NCAM2: variants seen among roughly 807,000 people sequenced by gnomAD.
NCAM2 encodes neural cell adhesion molecule 2, also known as N-CAM-2.
In NCAM2, 30 loss-of-function variants were observed where a neutral mutation model predicts 98.1. The ratio of observed to expected loss-of-function variants is 0.31; its 90% CI spans 0.23 to 0.41. The LOEUF (loss-of-function observed/expected upper bound fraction) is 0.41, where lower values mean the gene tolerates loss of function less well. Among genes scored for constraint, NCAM2 ranks in the 10% least tolerant of loss-of-function variants. The probability of loss-of-function intolerance (pLI) is 1.00; values close to 1 mark genes in which losing one functional copy is unlikely to be tolerated. For synonymous variants in NCAM2, 368 were observed against 342.4 expected, an observed-to-expected ratio of 1.07 and a Z score of -0.83; for missense variants, 867 against 1,005.8, an observed-to-expected ratio of 0.86 and a Z score of 1.87.
intron 1 of NCAM2, among the ~76,000 whole-genome samples, chr21:21,265,467 G>T (rs2072221727): frequency 1.4e-5 from 2 of 138,056 alleles, no homozygotes; most frequent in African/African-American, 2.7e-5. Flanking sequence ...TAATATATGT[G>T]TGTATATATA....
chr21:21,354,279 T>C (rs998126223), intron 8 of NCAM2, among the ~76,000 whole-genome samples: 1 of 152,156 alleles, frequency 6.6e-6, no homozygotes, highest in African/African-American at 2.4e-5. Context: ...ATCTGAAATG[T>C]ACAGCAATAA....
intron 1 of NCAM2, among the ~76,000 whole-genome samples, chr21:21,092,168 T>C (rs2066026896): frequency 6.6e-6 from 1 of 151,986 alleles, no homozygotes; most frequent in African/African-American, 2.4e-5. Context: ...ATGAAATAGG[T>C]GAATGGTTGG....
intron 8 of NCAM2, among the ~76,000 whole-genome samples, chr21:21,346,977 A>G (rs1321731462): frequency 6.6e-6 from 1 of 152,010 alleles, no homozygotes; most frequent in Non-Finnish European, 1.5e-5. Flanking sequence ...ATGGAAAAGC[A>G]AGAGCAAACC....
chr21:21,152,187 A>T (rs1158510118), intron 1 of NCAM2, among the ~76,000 whole-genome samples: 1 of 151,940 alleles, frequency 6.6e-6, no homozygotes, highest in Non-Finnish European at 1.5e-5. Flanking sequence ...GTGATGTCCT[A>T]AAGTTTACTA....
At chr21:21,479,554 A>G (rs140490995) in intron 15 of NCAM2, among the ~76,000 whole-genome samples, 1 of 141,286 alleles carries the variant, frequency 7.1e-6, no homozygotes, top group Non-Finnish European at 1.5e-5. Context: ...ACTGCACTCC[A>G]GCCTGGGAGA....
chr21:21,184,678 T>A (rs1314885747), intron 1 of NCAM2, among the ~76,000 whole-genome samples: 1 of 152,162 alleles, frequency 6.6e-6, no homozygotes, highest in Non-Finnish European at 1.5e-5. Flanking sequence ...CAAATAACAG[T>A]GTCTCTATGT....
intron 17 of NCAM2, among the ~76,000 whole-genome samples, chr21:21,536,198 G>A (rs1270828336): frequency 6.6e-6 from 1 of 151,858 alleles, no homozygotes; most frequent in Non-Finnish European, 1.5e-5. Flanking sequence ...CCCAGCAATG[G>A]ATATTACTAG....
At chr21:21,377,832 C>T (rs1475327020) in intron 9 of NCAM2, among the ~76,000 whole-genome samples, 1 of 151,870 alleles carries the variant, frequency 6.6e-6, no homozygotes, top group African/African-American at 2.4e-5. Context: ...TCCCCATTTC[C>T]TTCCTTCCCA....
chr21:21,258,399 G>A (rs1377765012), intron 1 of NCAM2, among the ~76,000 whole-genome samples: 1 of 152,132 alleles, frequency 6.6e-6, no homozygotes, highest in Non-Finnish European at 1.5e-5. Context: ...AATTGTCAGA[G>A]TGCCCATGGG....
At chr21:21,265,088 AT>A in intron 1 of NCAM2, among the ~76,000 whole-genome samples, 1 of 93,866 alleles carries the variant, frequency 1.1e-5, no homozygotes, top group East Asian at 2.8e-4. Context: ...ACACACATAT[AT>A]TATATATACA....
chr21:21,440,972 A>G (rs1331339570), intron 12 of NCAM2, among the ~76,000 whole-genome samples: 2 of 152,118 alleles, frequency 1.3e-5, no homozygotes, highest in African/African-American at 2.4e-5. Context: ...CATTTAAATG[A>G]CTCGAATTAG....
intron 1 of NCAM2, among the ~76,000 whole-genome samples, chr21:21,174,712 A>C (rs531232182): frequency 1.7e-3 from 257 of 152,298 alleles, no homozygotes; most frequent in African/African-American, 6.0e-3. Flanking sequence ...GGAGAAAACA[A>C]GTTTAGCTAG....
intron 9 of NCAM2, among the ~76,000 whole-genome samples, chr21:21,392,515 A>G (rs1035984011): frequency 2.0e-5 from 3 of 152,194 alleles, no homozygotes; most frequent in Non-Finnish European, 2.9e-5. Flanking sequence ...TAGGTTTTGA[A>G]GAATCCCCAC....
intron 1 of NCAM2, among the ~76,000 whole-genome samples, chr21:21,111,096 A>G (rs1314738808): frequency 6.6e-6 from 1 of 152,202 alleles, no homozygotes; most frequent in African/African-American, 2.4e-5. Context: ...CAAAAAGATT[A>G]TTCTCCAAAC....
intron 6 of NCAM2, 88 bp downstream of exon 6, chr21:21,324,588 G>A: frequency 1.1e-6 from 1 of 930,520 alleles, no homozygotes; most frequent in East Asian, 2.5e-5. Flanking sequence ...TTGGTAAAAA[G>A]CAAACCATTG....
chr21:21,418,080 G>A (rs2077029259), intron 10 of NCAM2, among the ~76,000 whole-genome samples: 1 of 150,020 alleles, frequency 6.7e-6, no homozygotes, highest in African/African-American at 2.5e-5. Flanking sequence ...TACATTGATT[G>A]CAAACTATAG....
intron 1 of NCAM2, among the ~76,000 whole-genome samples, chr21:21,162,817 G>T (rs1294714033): frequency 1.3e-5 from 2 of 152,042 alleles, no homozygotes; most frequent in African/African-American, 2.4e-5. Flanking sequence ...ATTTCTAAAA[G>T]TTGCCAACAT....
At position 21,137,842 on chromosome 21, in the gene NCAM2, A is replaced by ATTT. The variant is rs10645764; in HGVS notation, c.55+139232_55+139234dup. Among the ~76,000 whole-genome samples, 30 of 149,994 alleles carry ATTT rather than the reference A, an allele frequency of 2.0e-4. No homozygotes were observed. The East Asian group carries it at 2.2e-3, about 11-fold the overall frequency. ...ATCTTTTGAAAGCAGTCGTCACTTC[A>ATTT]TTTTTTTTTTCTGTGTTGTGATTCT... On this transcript the variant is annotated intron_variant, in intron 1 of 17. Coordinates refer to ENST00000400546, the MANE Select transcript of NCAM2 (RefSeq NM_004540.5).
At chr21:21,308,848 T>C (rs1033639670) in intron 5 of NCAM2, among the ~76,000 whole-genome samples, 2 of 152,180 alleles carry the variant, frequency 1.3e-5, no homozygotes, top group Non-Finnish European at 2.9e-5. Context: ...CTTTCCTTTT[T>C]TTCCTTTTTG....
Sources: allele counts gnomAD v4.1 joint callset (sites outside exome capture counted in the v4.1 genomes callset), GRCh38; gene constraint gnomAD v4.1.1; transcripts MANE v1.5; gene names NCBI Gene and HGNC (gene_info 2026-07-23, HGNC 2026-07-21).